Variants in RBFOX1 observed in about 807,000 individuals in gnomAD.
The protein encoded by RBFOX1 is RNA binding fox-1 homolog 1.
In RBFOX1, 8 loss-of-function variants were observed where a neutral mutation model predicts 57.7. The ratio of observed to expected loss-of-function variants is 0.14; its 90% CI spans 0.08 to 0.25. The LOEUF is 0.25. Among genes scored for constraint, RBFOX1 ranks in the 10% least tolerant of loss-of-function variants. The pLI, the probability that RBFOX1 is intolerant of heterozygous loss-of-function variation, is 1.00. For missense variants in RBFOX1, 611 were observed against 548.5 expected, an observed-to-expected ratio of 1.11 and a Z score of -1.14; for synonymous variants, 326 against 222.4, an observed-to-expected ratio of 1.47 and a Z score of -4.15.
chr16:5,373,792 T>TG (rs1257691174), intron 1 of RBFOX1, among the ~76,000 whole-genome samples: 8 of 152,068 alleles, frequency 5.3e-5, no homozygotes, highest in African/African-American at 1.2e-4. Flanking sequence ...TTAATAGAGA[T>TG]GGGGTTTCAC....
At chr16:5,741,975 C>T (rs995707357) in intron 3 of RBFOX1, among the ~76,000 whole-genome samples, 18 of 152,132 alleles carry the variant, frequency 1.2e-4, no homozygotes, top group Admixed American at 9.2e-4. Context: ...ACTAGAAATA[C>T]TCCTCTCTTC....
intron 3 of RBFOX1, among the ~76,000 whole-genome samples, chr16:5,823,914 A>T (rs2055944735): frequency 6.6e-6 from 1 of 152,224 alleles, no homozygotes; most frequent in African/African-American, 2.4e-5. Context: ...ACATAATGTA[A>T]TTGAATCCCA....
At chr16:6,931,391 G>C (rs1261530027) in intron 3 of RBFOX1, among the ~76,000 whole-genome samples, 1 of 150,198 alleles carries the variant, frequency 6.7e-6, no homozygotes, top group African/African-American at 2.5e-5. Flanking sequence ...ATACATATAT[G>C]TGTATGTTTA....
intron 3 of RBFOX1, among the ~76,000 whole-genome samples, chr16:6,882,811 C>G (rs1019821748): frequency 6.6e-6 from 1 of 152,016 alleles, no homozygotes; most frequent in African/African-American, 2.4e-5. Context: ...GGTATCAATT[C>G]TCTGTTTCTT....
intron 2 of RBFOX1, among the ~76,000 whole-genome samples, chr16:6,450,825 A>G (rs369599558): frequency 1.2e-3 from 17 of 14,572 alleles, no homozygotes; most frequent in African/African-American, 5.0e-3. Flanking sequence ...ATACATATAT[A>G]TATATATATA....
chr16:7,540,020 G>A (rs1246811323), intron 5 of RBFOX1, among the ~76,000 whole-genome samples: 1 of 152,160 alleles, frequency 6.6e-6, no homozygotes, highest in Non-Finnish European at 1.5e-5. Flanking sequence ...CATAGAAGGT[G>A]CCCTATAAAT....
Position 6,821,694 on chromosome 16 carries a change from C to T in RBFOX1, c.-16+167044C>T, listed in dbSNP as rs181049978. ...GCATAATGTTTGCAAGATTAATTCA[C>T]ATGATAGCCTGTATCAGTGCTTCAT... On this transcript the variant is annotated intron_variant, in intron 3 of 15. Coordinates refer to ENST00000550418, the MANE Select transcript of RBFOX1 (RefSeq NM_018723.4). Among the ~76,000 whole-genome samples the T allele has an allele frequency of 3.3e-5, 5 of 152,334 alleles. No individual in the cohort carries two copies. In the East Asian group the frequency reaches 9.6e-4, roughly 29 times the overall value.
At chr16:5,895,770 A>G (rs1390947287) in intron 4 of RBFOX1, among the ~76,000 whole-genome samples, 1 of 152,178 alleles carries the variant, frequency 6.6e-6, no homozygotes, top group Non-Finnish European at 1.5e-5. Context: ...TCAGTCACCT[A>G]TGACAGTGCC....
intron 2 of RBFOX1, among the ~76,000 whole-genome samples, chr16:5,536,669 C>T (rs923502173): frequency 6.6e-6 from 1 of 152,022 alleles, no homozygotes; most frequent in Non-Finnish European, 1.5e-5. Context: ...GTCCCCACTC[C>T]CATAACATTA....
In RBFOX1 at chr16:7,710,978, TAGG is replaced by T. The variant is rs1028083783; in HGVS notation, c.*236_*238del. ...GGTTCCGTAGTTTGGTTGCTGGCTG[TAGG>T]AGTTTTTGTGGTTGATCTAGACAGA... On this transcript the variant is annotated 3_prime_UTR_variant, in exon 16 of 16. Coordinates refer to ENST00000550418, the MANE Select transcript of RBFOX1 (RefSeq NM_018723.4). The T allele has an allele frequency of 4.2e-6, 2 of 473,152 alleles. No individual in the cohort carries two copies. The highest frequency in any genetic ancestry group is 2.0e-5 in the African/African-American group (1 of 49,380). 29.3% of individuals were successfully genotyped at this position (473,152 alleles called of 1,614,324 possible).
chr16:5,790,474 C>A (rs922831290), intron 3 of RBFOX1, among the ~76,000 whole-genome samples: 2 of 145,778 alleles, frequency 1.4e-5, no homozygotes, highest in Non-Finnish European at 3.0e-5. Context: ...TGCTGCAATA[C>A]AACTGTTGAT....
At chr16:7,605,773 G>C (rs969899376) in intron 9 of RBFOX1, among the ~76,000 whole-genome samples, 1 of 152,074 alleles carries the variant, frequency 6.6e-6, no homozygotes, top group Admixed American at 6.6e-5. Flanking sequence ...AGGACCTTTG[G>C]TATTTGGCCT....
At chr16:6,984,988 G>A (rs1192216999) in intron 3 of RBFOX1, among the ~76,000 whole-genome samples, 2 of 151,502 alleles carry the variant, frequency 1.3e-5, no homozygotes, top group Non-Finnish European at 2.9e-5. Flanking sequence ...AAATCAGGAG[G>A]GAGGGCTCCT....
chr16:5,816,591 C>T (rs761180983), intron 3 of RBFOX1, among the ~76,000 whole-genome samples: 9 of 152,132 alleles, frequency 5.9e-5, no homozygotes, highest in Non-Finnish European at 1.0e-4. Context: ...TGAGACCAGC[C>T]TGGGCAACAT....
At chr16:6,558,219 G>A (rs1378337700) in intron 2 of RBFOX1, among the ~76,000 whole-genome samples, 2 of 152,128 alleles carry the variant, frequency 1.3e-5, no homozygotes, top group Non-Finnish European at 2.9e-5. Context: ...AGTGATGGGT[G>A]AAATGACTCT....
chr16:7,261,875 C>T (rs1020317756), intron 4 of RBFOX1, among the ~76,000 whole-genome samples: 1 of 152,094 alleles, frequency 6.6e-6, no homozygotes, highest in African/African-American at 2.4e-5. Context: ...AGGCAAGGTT[C>T]CTTTGGGCAT....
At chr16:6,868,010 T>C (rs1424334592) in intron 3 of RBFOX1, among the ~76,000 whole-genome samples, 2 of 152,226 alleles carry the variant, frequency 1.3e-5, no homozygotes, top group South Asian at 4.1e-4. Flanking sequence ...AAGCTGAAAC[T>C]ACTATACTTC....
chr16:7,600,394 G>T (rs1013166), intron 9 of RBFOX1, among the ~76,000 whole-genome samples: 138 of 152,288 alleles, frequency 9.1e-4, no homozygotes, highest in African/African-American at 3.2e-3. Context: ...TTTCAACTCA[G>T]GAGTATCACC....
intron 3 of RBFOX1, among the ~76,000 whole-genome samples, chr16:6,882,323 C>T (rs1052606441): frequency 6.6e-6 from 1 of 152,138 alleles, no homozygotes; most frequent in African/African-American, 2.4e-5. Flanking sequence ...TTGTTGTTTG[C>T]AATTCTGGCT....
Sources: allele counts gnomAD v4.1 joint callset (sites outside exome capture counted in the v4.1 genomes callset), GRCh38; gene constraint gnomAD v4.1.1; transcripts MANE v1.5; gene names NCBI Gene and HGNC (gene_info 2026-07-23, HGNC 2026-07-21).